IFNGR2: variants seen among roughly 807,000 people sequenced by gnomAD.
The protein encoded by IFNGR2 is IFN-gamma receptor 2.
In IFNGR2, 15 loss-of-function variants were observed where a neutral mutation model predicts 41.1. The observed-to-expected ratio is 0.37, with a 90% CI of 0.24 to 0.56. The LOEUF is 0.56. IFNGR2 is among the 20% of genes least tolerant of loss of function. The pLI is 0.81. For synonymous variants in IFNGR2, 161 were observed against 171.6 expected (o/e 0.94, Z 0.48); for missense variants, 362 against 415.7 (o/e 0.87, Z 1.12).
chr21:33,425,325 C>G (rs2083826978), intron 3 of IFNGR2, among the ~76,000 whole-genome samples: 2 of 152,214 alleles, frequency 1.3e-5, no homozygotes, highest in African/African-American at 4.8e-5. Context: ...TAGAGCCAGC[C>G]TTCCTCCAGT....
At chr21:33,423,036 C>CTT (rs1158807047) in intron 3 of IFNGR2, among the ~76,000 whole-genome samples, 18,213 of 115,616 alleles carry the variant, frequency 0.16, 2,786 homozygotes, top group Non-Finnish European at 0.22. Context: ...CTTCCCTCTA[C>CTT]TTTTTTTTTT....
chr21:33,411,983 G>A (rs978375331), intron 1 of IFNGR2, among the ~76,000 whole-genome samples: 2 of 152,166 alleles, frequency 1.3e-5, no homozygotes, highest in Non-Finnish European at 2.9e-5. Flanking sequence ...TCACAGGCAT[G>A]ATCATAGCAC....
At position 33,432,200 on chromosome 21, in the gene IFNGR2, C is replaced by A; in HGVS notation, c.585C>A (p.Asn195Lys). 6.2e-7 allele frequency: 1 copy of A among 1,614,150 alleles called. No homozygotes were observed. The highest frequency in any genetic ancestry group is 8.5e-7 in the Non-Finnish European group (1 of 1,179,982). The change falls in exon 5 of 7, where the codon AAC (asparagine) becomes AAA (lysine). Residue 195 changes from asparagine to lysine, a missense_variant. Physicochemically the swap from Asn to Lys is moderately conservative, Grantham distance 94. Coordinates refer to ENST00000290219, the MANE Select transcript of IFNGR2 (RefSeq NM_005534.4). ...IQQVKGPFRS[N>K]SISLDNLKPS... ...AGGTCAAAGGCCCTTTCAGAAGCAA[C>A]TCCATTTCATTGGATAACTTAAAAC...
At chr21:33,435,962 G>GAGGCAGGAGAATTGCTTGAACCC in intron 6 of IFNGR2, among the ~76,000 whole-genome samples, 1 of 151,222 alleles carries the variant, frequency 6.6e-6, no homozygotes, top group Non-Finnish European at 1.5e-5. Context: ...TTGGGAAGCT[G>GAGGCAGGAGAATTGCTTGAACCC]AGGCAGGAGA....
At chr21:33,433,165 C>T (rs921854002) in intron 6 of IFNGR2, among the ~76,000 whole-genome samples, 4 of 152,114 alleles carry the variant, frequency 2.6e-5, no homozygotes, top group Non-Finnish European at 5.9e-5. Context: ...GGATTACAGG[C>T]GGGAGCCACT....
At chr21:33,430,443 TTTTTAA>T (rs2083876233) in intron 4 of IFNGR2, among the ~76,000 whole-genome samples, 1 of 152,352 alleles carries the variant, frequency 6.6e-6, no homozygotes, top group East Asian at 1.9e-4. Context: ...ATATTTTTAT[TTTTTAA>T]TTTTAATTTT....
At chr21:33,433,475 G>T (rs2083910564) in intron 6 of IFNGR2, among the ~76,000 whole-genome samples, 1 of 152,174 alleles carries the variant, frequency 6.6e-6, no homozygotes, top group Non-Finnish European at 1.5e-5. Flanking sequence ...CACACACATG[G>T]ACCTTGAGGA....
chr21:33,411,443 A>G (rs1319103561), intron 1 of IFNGR2: 7 of 470,838 alleles, frequency 1.5e-5, no homozygotes, highest in Non-Finnish European at 2.6e-5. Context: ...GTTCCTCCCC[A>G]GAGATGGGAG....
At chr21:33,409,347 T>C (rs17880203) in intron 1 of IFNGR2, among the ~76,000 whole-genome samples, 109 of 152,054 alleles carry the variant, frequency 7.2e-4, no homozygotes, top group Middle Eastern at 3.4e-3. Context: ...CAGGTGCCTG[T>C]AATCCCAGCT....
intron 1 of IFNGR2, among the ~76,000 whole-genome samples, chr21:33,409,508 T>C (rs531508086): frequency 1.3e-5 from 2 of 152,050 alleles, no homozygotes; most frequent in South Asian, 4.2e-4. Flanking sequence ...ATATGCAAAA[T>C]TATGTAGGTC....
chr21:33,425,563 T>A (rs2083829281), intron 3 of IFNGR2, among the ~76,000 whole-genome samples: 1 of 152,222 alleles, frequency 6.6e-6, no homozygotes, highest in African/African-American at 2.4e-5. Context: ...TTCTGCACAC[T>A]CTGCTCACTT....
In IFNGR2 at chr21:33,437,038, T is replaced by A; in HGVS notation, c.*76T>A. 2.0e-6 allele frequency: 3 copies of A among 1,502,028 alleles called. No individual in the cohort carries two copies. The highest frequency in any genetic ancestry group is 2.8e-6 in the Non-Finnish European group (3 of 1,081,690). 93.0% of individuals were successfully genotyped at this position (1,502,028 alleles called of 1,614,324 possible). On this transcript the variant is annotated 3_prime_UTR_variant, in exon 7 of 7. Transcript: ENST00000290219. ...GGAGCTGCTAGAGTTCTGTCTGGAC[T>A]TTCCAGAGACCAGTATTCCCTTTTG...
intron 1 of IFNGR2, chr21:33,411,664 C>T (rs1485556686): frequency 1.4e-5 from 5 of 364,898 alleles, no homozygotes; most frequent in Non-Finnish European, 2.8e-5. Context: ...AAAGATGGAG[C>T]AGAGGCAGAA....
At position 33,418,031 on chromosome 21, in the gene IFNGR2, T is replaced by C. The variant is rs1007365437; in HGVS notation, c.206+3011T>C. ...TGGTTTTATTTTTTATTTATTTATTTATTTATTTTGAGACAGAGTCTCGCT... is the reference window on the plus strand; with the variant it reads ...TGGTTTTATTTTTTATTTATTTATTCATTTATTTTGAGACAGAGTCTCGCT... On this transcript the variant is annotated intron_variant, in intron 2 of 6. Transcript: ENST00000290219. Among the ~76,000 whole-genome samples the C allele has an allele frequency of 3.3e-5, 5 of 152,164 alleles. No individual in the cohort carries two copies. The South Asian group carries it at 1.0e-3, about 31-fold the overall frequency.
At chr21:33,416,647 C>G (rs2083755292) in intron 2 of IFNGR2, among the ~76,000 whole-genome samples, 1 of 151,986 alleles carries the variant, frequency 6.6e-6, no homozygotes, top group Non-Finnish European at 1.5e-5. Context: ...ACGCTGAAAC[C>G]CTGTCTCTAC....
At chr21:33,405,050 T>C (rs924167369) in intron 1 of IFNGR2, among the ~76,000 whole-genome samples, 2 of 140,892 alleles carry the variant, frequency 1.4e-5, no homozygotes, top group East Asian at 4.2e-4. Flanking sequence ...ACCCGAGAGC[T>C]GAGATCTCAC....
At chr21:33,408,027 A>G (rs1174896792) in intron 1 of IFNGR2, among the ~76,000 whole-genome samples, 1 of 152,070 alleles carries the variant, frequency 6.6e-6, no homozygotes, top group Non-Finnish European at 1.5e-5. Flanking sequence ...AATGATGTTC[A>G]CCTAATTGAC....
At position 33,432,294 on chromosome 21, in the gene IFNGR2, G is replaced by A; in HGVS notation, c.679G>A (p.Gly227Arg). Residue 227 changes from glycine to arginine, a missense_variant, in exon 5 of 7, where the codon GGG becomes AGG. By Grantham distance (125) the Gly-to-Arg change is moderately radical (BLOSUM62 -2). Coordinates refer to ENST00000290219, the MANE Select transcript of IFNGR2 (RefSeq NM_005534.4). ...GAACAAAAGTAACATCTTTAGAGTC[G>A]GGCATTTAAGCAACATATCTTGCTA... ...LWNKSNIFRVGHLSNISCYET... is the reference protein window; with the variant it reads ...LWNKSNIFRVRHLSNISCYET... 1.2e-6 allele frequency: 2 copies of A among 1,614,066 alleles called. No individual in the cohort carries two copies. Among genetic ancestry groups the A allele is most frequent in the Non-Finnish European group, 1.7e-6 (2 of 1,179,930 alleles).
chr21:33,408,666 G>A (rs890793669), intron 1 of IFNGR2, among the ~76,000 whole-genome samples: 2 of 152,128 alleles, frequency 1.3e-5, no homozygotes, highest in Non-Finnish European at 2.9e-5. Context: ...GACAATGAAT[G>A]TAGAGAATAG....
Sources: gnomAD v4.1 joint callset for allele counts (sites outside exome capture counted in the v4.1 genomes callset) on GRCh38, gnomAD v4.1.1 for gene constraint, MANE v1.5 for transcripts, NCBI Gene and HGNC (gene_info 2026-07-23, HGNC 2026-07-21) for gene names.